ABTB2: variants seen among roughly 807,000 people sequenced by gnomAD.
ABTB2 encodes the protein ankyrin repeat and BTB domain containing 2.
ABTB2 carries 56 observed loss-of-function variants against 104.1 expected under a neutral mutation model. The ratio of observed to expected loss-of-function variants is 0.54; its 90% confidence interval spans 0.43 to 0.67. ABTB2 has a LOEUF of 0.67. Among genes scored for constraint, ABTB2 ranks in the 30% least tolerant of loss-of-function variants. ABTB2 has a pLI of 0.00. For synonymous variants in ABTB2, 606 were observed against 608.2 expected, an observed-to-expected ratio of 1.00 and a Z score of 0.05; for missense variants, 1,279 against 1,407.7, an observed-to-expected ratio of 0.91 and a Z score of 1.46.
chr11:34,327,284 C>T (rs1483806575), intron 1 of ABTB2, among the ~76,000 whole-genome samples: 2 of 152,094 alleles, frequency 1.3e-5, no homozygotes, highest in African/African-American at 4.8e-5. Flanking sequence ...GACTTCACAG[C>T]AAAGAAGATT....
intron 1 of ABTB2, among the ~76,000 whole-genome samples, chr11:34,289,328 C>T (rs961208225): frequency 3.3e-5 from 5 of 152,156 alleles, no homozygotes; most frequent in Admixed American, 6.5e-5. Context: ...TTCAGGAGTT[C>T]GCCATGGCAC....
chr11:34,202,531 C>T lies in ABTB2; in HGVS notation c.1030+2013G>A, dbSNP rs188745741. Among the ~76,000 whole-genome samples the T allele has an allele frequency of 2.2e-3, 341 of 152,268 alleles. 1 individual carries two copies. The highest frequency in any genetic ancestry group is 7.5e-3 in the African/African-American group (310 of 41,544). ...TATCGAGCAGATGAGTGACACAACC[C>T]AATTTAAGCTTTAAATGGGCAGCTT... On this transcript the variant is annotated intron_variant, in intron 2 of 16. Transcript: ENST00000435224.
chr11:34,254,996 T>G (rs1854103911), intron 1 of ABTB2, among the ~76,000 whole-genome samples: 1 of 152,140 alleles, frequency 6.6e-6, no homozygotes, highest in African/African-American at 2.4e-5. Flanking sequence ...TAAATGTAAA[T>G]AGCCACATAT....
At chr11:34,196,545 C>T (rs1853258775) in intron 3 of ABTB2, among the ~76,000 whole-genome samples, 1 of 152,152 alleles carries the variant, frequency 6.6e-6, no homozygotes, top group Non-Finnish European at 1.5e-5. Flanking sequence ...TAGAGCAAGA[C>T]TCCGTCTAAA....
intron 3 of ABTB2, among the ~76,000 whole-genome samples, chr11:34,177,742 T>A (rs1852973968): frequency 6.6e-6 from 1 of 152,186 alleles, no homozygotes; most frequent in Admixed American, 6.5e-5. Context: ...TAATTTTTTA[T>A]ATTTTTAGCA....
chr11:34,200,452 T>A (rs1853322547), intron 2 of ABTB2, among the ~76,000 whole-genome samples: 1 of 152,144 alleles, frequency 6.6e-6, no homozygotes, highest in Non-Finnish European at 1.5e-5. Context: ...CCCCGGCTTC[T>A]TCGATCCAAG....
At chr11:34,343,309 C>T (rs1249827776) in intron 1 of ABTB2, among the ~76,000 whole-genome samples, 1 of 152,136 alleles carries the variant, frequency 6.6e-6, no homozygotes, top group African/African-American at 2.4e-5. Flanking sequence ...TACTCCAGAA[C>T]AAGGATGCTT....
chr11:34,224,933 C>T (rs545588734), intron 1 of ABTB2, among the ~76,000 whole-genome samples: 1 of 152,284 alleles, frequency 6.6e-6, no homozygotes, highest in African/African-American at 2.4e-5. Context: ...TTCTTGCTGT[C>T]ATCTCTGCAG....
chr11:34,167,227 G>C, intron 7 of ABTB2, 32 bp downstream of exon 7: 1 of 1,569,814 alleles, frequency 6.4e-7, no homozygotes, highest in Non-Finnish European at 8.7e-7. Context: ...TGGTAAGCTG[G>C]GGGGCATGGT....
intron 1 of ABTB2, among the ~76,000 whole-genome samples, chr11:34,278,160 G>A (rs1490599040): frequency 6.6e-6 from 1 of 151,186 alleles, no homozygotes; most frequent in Non-Finnish European, 1.5e-5. Context: ...GCAATCTACA[G>A]AAGGAGCAGG....
Position 34,335,327 on chromosome 11 carries a change from G to C in ABTB2, c.883+21374C>G, listed in dbSNP as rs192375532. 766 of 1,009,930 alleles carry C rather than the reference G, an allele frequency of 7.6e-4. 6 individuals are homozygous for C. In the African/African-American group the frequency reaches 9.6e-3, roughly 13 times the overall value. 62.6% of individuals were successfully genotyped at this position (1,009,930 alleles called of 1,614,324 possible). A position where few individuals can be genotyped will look rare whatever the true frequency, so the allele number is the denominator to read the frequency against. On this transcript the variant is annotated intron_variant, in intron 1 of 16. Transcript: ENST00000435224. ...AAAAAAATGCCAAACCAGATGATGGGTCAGTAAAGTCAGCCCAATATCCCT... is the reference window on the plus strand; with the variant it reads ...AAAAAAATGCCAAACCAGATGATGGCTCAGTAAAGTCAGCCCAATATCCCT...
At chr11:34,280,141 T>C (rs1167390147) in intron 1 of ABTB2, among the ~76,000 whole-genome samples, 1 of 152,152 alleles carries the variant, frequency 6.6e-6, no homozygotes, top group African/African-American at 2.4e-5. Context: ...ATAATCCCTA[T>C]TGTACAGATG....
intron 1 of ABTB2, among the ~76,000 whole-genome samples, chr11:34,265,273 T>C (rs1193332133): frequency 6.6e-6 from 1 of 152,162 alleles, no homozygotes; most frequent in African/African-American, 2.4e-5. Flanking sequence ...CCCACCAGCA[T>C]TGGTGCAATG....
At chr11:34,257,672 T>C (rs1854140546) in intron 1 of ABTB2, among the ~76,000 whole-genome samples, 1 of 152,154 alleles carries the variant, frequency 6.6e-6, no homozygotes, top group South Asian at 2.1e-4. Flanking sequence ...CACTGCAGCT[T>C]CGACCTCCTG....
chr11:34,169,993 C>T (rs560637850), intron 5 of ABTB2, among the ~76,000 whole-genome samples: 179 of 152,340 alleles, frequency 1.2e-3, no homozygotes, highest in Non-Finnish European at 1.9e-3. Flanking sequence ...TGCCTTAACT[C>T]GCCACTGTCA....
At chr11:34,180,964 G>A (rs1853018887) in intron 3 of ABTB2, among the ~76,000 whole-genome samples, 5 of 152,186 alleles carry the variant, frequency 3.3e-5, no homozygotes, top group Admixed American at 3.3e-4. Context: ...GAGTGAGGTG[G>A]CACGATCTCA....
intron 1 of ABTB2, among the ~76,000 whole-genome samples, chr11:34,319,493 C>G (rs1450317536): frequency 6.6e-6 from 1 of 152,138 alleles, no homozygotes; most frequent in East Asian, 1.9e-4. Context: ...CAACATACAC[C>G]AAGTATATGC....
At chr11:34,171,918 T>C (rs2982606) in intron 4 of ABTB2, among the ~76,000 whole-genome samples, 81,631 of 151,986 alleles carry the variant, frequency 0.54, 22,742 homozygotes, top group African/African-American at 0.62. Context: ...TCACAGATAA[T>C]GCCTGTGTTA....
At chr11:34,325,954 A>G (rs1013218457) in intron 1 of ABTB2, among the ~76,000 whole-genome samples, 1 of 46,308 alleles carries the variant, frequency 2.2e-5, no homozygotes, top group African/African-American at 5.7e-5. Flanking sequence ...GTCTCAAAAA[A>G]TAAAATAAAA....
Sources: allele counts gnomAD v4.1 joint callset (sites outside exome capture counted in the v4.1 genomes callset), GRCh38; gene constraint gnomAD v4.1.1; transcripts MANE v1.5; gene names NCBI Gene and HGNC (gene_info 2026-07-23, HGNC 2026-07-21).